ZBTB45: variants seen among roughly 807,000 people sequenced by gnomAD.
ZBTB45 encodes zinc finger and BTB domain containing 45, also known as zinc finger and BTB domain-containing protein 45.
In ZBTB45, 22 loss-of-function variants were observed where a neutral mutation model predicts 28.4. The ratio of observed to expected loss-of-function variants is 0.77; its 90% CI spans 0.55 to 1.10. The LOEUF is 1.10. Ranked by LOEUF, ZBTB45 falls within the 50% of genes least tolerant of loss-of-function variation. The pLI, the probability that ZBTB45 is intolerant of heterozygous loss-of-function variation, is 0.00. For missense variants in ZBTB45, 656 were observed against 750.2 expected, an observed-to-expected ratio of 0.87 and a Z score of 1.47; for synonymous variants, 361 against 332.3, an observed-to-expected ratio of 1.09 and a Z score of -0.94.
chr19:58,526,486 A>C (rs2053607427), intron 1 of ZBTB45, among the ~76,000 whole-genome samples: 1 of 150,578 alleles, frequency 6.6e-6, no homozygotes, highest in African/African-American at 2.4e-5. Flanking sequence ...CTGGGATTAC[A>C]GGCGTGAGCC....
intron 1 of ZBTB45, among the ~76,000 whole-genome samples, chr19:58,528,158 G>A (rs527470951): frequency 7.7e-4 from 117 of 152,234 alleles, no homozygotes; most frequent in African/African-American, 2.5e-3. Flanking sequence ...AGAGCTGGCC[G>A]GAAGACACAT....
In ZBTB45 at chr19:58,514,019, G is replaced by A. The variant is rs932208760; in HGVS notation, c.*35C>T. 4.4e-5 allele frequency: 60 copies of A among 1,374,872 alleles called. No individual in the cohort carries two copies. Among genetic ancestry groups the A allele is most frequent in the Non-Finnish European group, 3.7e-6 (4 of 1,070,644 alleles). The allele number at this position is 1,374,872 out of a possible 1,614,324, so 85.2% of individuals were successfully genotyped here. ...CGTGGCCGACTGTGCGGGAGGCCCC[G>A]GATCCACCGTGGGCGAGGCCAGGCC... is the stretch of plus-strand genomic sequence containing the variant. On this transcript the variant is annotated 3_prime_UTR_variant, in exon 3 of 3. Transcript: ENST00000594051.
upstream of ZBTB45, among the ~76,000 whole-genome samples, chr19:58,521,246 A>G (rs2053575804): frequency 6.7e-6 from 1 of 150,342 alleles, no homozygotes; most frequent in African/African-American, 2.4e-5. Flanking sequence ...AGGCGCCTGT[A>G]GTCCCAGCTA....
intron 1 of ZBTB45, among the ~76,000 whole-genome samples, chr19:58,527,612 A>G (rs1456088746): frequency 6.6e-6 from 1 of 152,128 alleles, no homozygotes; most frequent in African/African-American, 2.4e-5. Context: ...TCCACTCAGG[A>G]GTGGCTAGTC....
intron 1 of ZBTB45, among the ~76,000 whole-genome samples, chr19:58,528,201 T>C (rs916599790): frequency 2.7e-5 from 4 of 148,970 alleles, no homozygotes; most frequent in African/African-American, 1.0e-4. Flanking sequence ...AGGCCCTGGG[T>C]ACCACATAGC....
chr19:58,537,899 C>T (rs1021076639), intron 1 of ZBTB45, among the ~76,000 whole-genome samples: 2 of 151,534 alleles, frequency 1.3e-5, no homozygotes, highest in African/African-American at 4.9e-5. Context: ...GTGCAATGGC[C>T]GGATCTCAGC....
At chr19:58,538,514 C>T (rs993025277) in intron 1 of ZBTB45, among the ~76,000 whole-genome samples, 16 of 152,256 alleles carry the variant, frequency 1.1e-4, no homozygotes, top group Admixed American at 2.6e-4. Context: ...GGCCGCGCGC[C>T]CGGGCTGGAA....
chr19:58,526,966 T>G (rs1241498222), intron 1 of ZBTB45, among the ~76,000 whole-genome samples: 1 of 152,144 alleles, frequency 6.6e-6, no homozygotes, highest in Non-Finnish European at 1.5e-5. Flanking sequence ...AAGCTGGGAC[T>G]ACAGTTGTGG....
At position 58,514,234 on chromosome 19, in the gene ZBTB45, C is replaced by T. The variant is rs1479821260; in HGVS notation, c.1356G>A (p.Thr452=). The T allele has an allele frequency of 4.3e-6, 7 of 1,612,536 alleles. No homozygotes were observed. Among genetic ancestry groups the T allele is most frequent in the Middle Eastern group, 3.4e-4 (2 of 5,888 alleles). Reference sequence around the variant, plus strand: ...ACTGGAAGGCGCGCACGCCGGTGTGCGTGACCATGTGTTTGAGCAGGTAGT... The same window carrying T: ...ACTGGAAGGCGCGCACGCCGGTGTGTGTGACCATGTGTTTGAGCAGGTAGT... ...LRDYLLKHMV[T]HTGVRAFQCA... Residue 452 remains threonine, a synonymous_variant, in exon 3 of 3, where the codon ACG becomes ACA. Coordinates refer to ENST00000594051, the MANE Select transcript of ZBTB45 (RefSeq NM_001316979.2).
chr19:58,538,499 T>TG (rs992561702), intron 1 of ZBTB45, among the ~76,000 whole-genome samples: 2 of 151,798 alleles, frequency 1.3e-5, no homozygotes, highest in African/African-American at 2.4e-5. Flanking sequence ...GGCCCAGATC[T>TG]GGGGGGCCGC....
At position 58,513,753 on chromosome 19, in the gene ZBTB45, CAA is replaced by C; in HGVS notation, c.*299_*300del. 1 of 334,076 alleles carries C rather than the reference CAA, an allele frequency of 3.0e-6. No homozygotes were observed. The highest frequency in any genetic ancestry group is 5.4e-6 in the Non-Finnish European group (1 of 185,934). The allele number at this position is 334,076 out of a possible 1,614,324, so 20.7% of individuals were successfully genotyped here. A position where few individuals can be genotyped will look rare whatever the true frequency, so the allele number is the denominator to read the frequency against. The stretch of plus-strand genomic sequence containing the variant: ...GAGAGGGCGGGGTGAGAACCGGAGT[CAA>C]ATCTTGGGCCGGGTCCAAGCGCCTG... On this transcript the variant is annotated 3_prime_UTR_variant, in exon 3 of 3. Coordinates refer to ENST00000594051, the MANE Select transcript of ZBTB45 (RefSeq NM_001316979.2).
upstream of ZBTB45, among the ~76,000 whole-genome samples, chr19:58,522,758 G>T (rs1304958487): frequency 6.6e-6 from 1 of 152,208 alleles, no homozygotes; most frequent in Non-Finnish European, 1.5e-5. Flanking sequence ...GTTTTGGGAA[G>T]AGCATAAGGG....
At chr19:58,538,769 A>T (rs1353014606) in exon 1 of ZBTB45, 2 of 152,062 alleles carry the variant, frequency 1.3e-5, no homozygotes, top group Non-Finnish European at 2.9e-5. Context: ...GCCTCCAAAC[A>T]TCCTCCGGAA....
At chr19:58,517,848 A>T (rs1196228850) in intron 1 of ZBTB45, among the ~76,000 whole-genome samples, 175 bp from the exon 2 acceptor site, 1 of 149,298 alleles carries the variant, frequency 6.7e-6, no homozygotes, top group Non-Finnish European at 1.5e-5. Flanking sequence ...AACACAGGAC[A>T]CTCCAGCACT....
At chr19:58,521,158 A>T (rs1481036235), upstream of ZBTB45, among the ~76,000 whole-genome samples, 1 of 148,204 alleles carries the variant, frequency 6.7e-6, no homozygotes, top group African/African-American at 2.5e-5. Context: ...AGGTCAGGAG[A>T]TCGAGACCAT....
At chr19:58,528,803 A>G (rs1163966562) in intron 1 of ZBTB45, among the ~76,000 whole-genome samples, 3 of 151,246 alleles carry the variant, frequency 2.0e-5, no homozygotes, top group Non-Finnish European at 4.4e-5. Context: ...CTGAGGCAGG[A>G]GAATCACCTG....
At chr19:58,518,665 C>T (rs2053546409) in intron 1 of ZBTB45, among the ~76,000 whole-genome samples, 1 of 152,084 alleles carries the variant, frequency 6.6e-6, no homozygotes, top group African/African-American at 2.4e-5. Flanking sequence ...TCTGCTACTC[C>T]ATCCATCAAG....
intron 1 of ZBTB45, among the ~76,000 whole-genome samples, chr19:58,534,747 A>G (rs1157283036): frequency 2.6e-5 from 4 of 151,974 alleles, no homozygotes; most frequent in East Asian, 1.9e-4. Flanking sequence ...TAGTAGAGAC[A>G]GGGTTTCACC....
chr19:58,526,530 T>A (rs865834020), intron 1 of ZBTB45, among the ~76,000 whole-genome samples: 12,947 of 92,626 alleles, frequency 0.14, 732 homozygotes, highest in Non-Finnish European at 0.18. Context: ...TTATTATTTT[T>A]TTTTTTTTTT....
Sources: allele counts gnomAD v4.1 joint callset (sites outside exome capture counted in the v4.1 genomes callset), GRCh38; gene constraint gnomAD v4.1.1; transcripts MANE v1.5; gene names NCBI Gene and HGNC (gene_info 2026-07-23, HGNC 2026-07-21).